Variants in CENPM observed in about 807,000 individuals in gnomAD.
CENPM encodes the protein centromere protein M, also known as interphase centromere complex protein 39.
CENPM carries 14 observed loss-of-function variants against 19.6 expected under a neutral mutation model. That is an observed-to-expected ratio of 0.71 (90% CI 0.47 to 1.11). The LOEUF (loss-of-function observed/expected upper bound fraction) is 1.11, where lower values mean the gene tolerates loss of function less well. Ranked by LOEUF, CENPM falls within the 50% of genes most tolerant of loss-of-function variation. The pLI is 0.00. For synonymous variants in CENPM, 114 were observed against 101.5 expected (o/e 1.12, Z -0.74); for missense variants, 239 against 228.4 (o/e 1.05, Z -0.30).
chr22:41,935,189 G>A (rs1038746564), downstream of CENPM, among the ~76,000 whole-genome samples: 1 of 152,226 alleles, frequency 6.6e-6, no homozygotes, highest in African/African-American at 2.4e-5. Flanking sequence ...CTCTTGGCTG[G>A]AGAATGCGAT....
chr22:41,946,041 G>C, intron 2 of CENPM, 36 bp from the exon 3 acceptor site: 1 of 1,548,340 alleles, frequency 6.5e-7, no homozygotes, highest in African/African-American at 1.4e-5. Context: ...CAAGATATCC[G>C]TACCCCCCTC....
intron 5 of CENPM, chr22:41,940,356 T>C: frequency 5.3e-6 from 3 of 563,030 alleles, no homozygotes; most frequent in South Asian, 2.2e-5. Context: ...ATTTACCCCA[T>C]TTGTTTCCTT....
chr22:41,932,212 T>C, the CENPM span, among the ~76,000 whole-genome samples: 1 of 152,212 alleles, frequency 6.6e-6, no homozygotes, highest in African/African-American at 2.4e-5. This position sits in a 1 kb window ranked among gnomAD's most constrained non-coding sequence, Gnocchi z 4.3. Context: ...GGACCACCCC[T>C]TGTGGTTATT....
the CENPM span, among the ~76,000 whole-genome samples, chr22:41,931,047 G>T: frequency 6.6e-6 from 1 of 151,426 alleles, no homozygotes; most frequent in Admixed American, 6.6e-5. Context: ...TGTTGGCCAG[G>T]CTGGTCTCGA....
chr22:41,945,126 G>A (rs772554903), intron 4 of CENPM, 99 bp downstream of exon 4: 1 of 1,583,158 alleles, frequency 6.3e-7, no homozygotes, highest in Non-Finnish European at 8.6e-7. Context: ...TAAAATACAT[G>A]CTCTTTCCAT....
intron 2 of CENPM, 85 bp downstream of exon 2, chr22:41,946,332 G>T (rs1488953918): frequency 1.4e-5 from 16 of 1,161,124 alleles, no homozygotes; most frequent in Non-Finnish European, 1.9e-5. Flanking sequence ...AGGAGGGGGC[G>T]CTGGGCTTCG....
downstream of CENPM, among the ~76,000 whole-genome samples, chr22:41,937,848 CT>C (rs1042752494): frequency 2.0e-5 from 3 of 151,394 alleles, no homozygotes; most frequent in African/African-American, 7.3e-5. Flanking sequence ...CGCCCCACTC[CT>C]TTTTTTTTCT....
At chr22:41,931,000 C>T in the CENPM span, among the ~76,000 whole-genome samples, 2 of 151,640 alleles carry the variant, frequency 1.3e-5, no homozygotes, top group Non-Finnish European at 2.9e-5. Flanking sequence ...CCATGCCCAG[C>T]TAACTTTTGC....
chr22:41,946,506 G>A lies in CENPM; in HGVS notation c.58-10C>T, dbSNP rs1327180379. On this transcript the variant is annotated splice_polypyrimidine_tract_variant and intron_variant, in intron 1 of 5. Transcript: ENST00000215980. ...CCTCCGTGCCCACCAGCTGCGCAGG[G>A]AGAGAGAGCGGACAGTCGAGCCCTA... 6.2e-7 allele frequency: 1 copy of A among 1,612,050 alleles called. No homozygotes were observed. The highest frequency in any genetic ancestry group is 1.7e-5 in the Admixed American group (1 of 59,976).
chr22:41,930,862 A>G, the CENPM span, among the ~76,000 whole-genome samples: 1 of 125,744 alleles, frequency 8.0e-6, no homozygotes, highest in African/African-American at 3.3e-5. Context: ...TTTGAGATGG[A>G]GTCTCGCTCT....
downstream of CENPM, among the ~76,000 whole-genome samples, chr22:41,937,468 T>C (rs891769440): frequency 1.3e-5 from 2 of 152,124 alleles, no homozygotes; most frequent in African/African-American, 2.4e-5. Flanking sequence ...GCTAATTTTC[T>C]GTATTTTAGT....
intron 1 of CENPM, 143 bp from the exon 2 acceptor site, chr22:41,946,639 G>A: frequency 1.5e-6 from 1 of 683,456 alleles, no homozygotes; most frequent in African/African-American, 1.8e-5. Flanking sequence ...TGGACCCCGC[G>A]AAGCGGCACG....
chr22:41,937,930 G>A (rs183454112), downstream of CENPM, among the ~76,000 whole-genome samples: 1,783 of 151,806 alleles, frequency 0.012, 19 homozygotes, highest in Non-Finnish European at 0.015. Flanking sequence ...TGCAAGCTCC[G>A]CCTCCCAGGT....
chr22:41,946,712 A>C, intron 1 of CENPM: 1 of 589,738 alleles, frequency 1.7e-6, no homozygotes, highest in Non-Finnish European at 3.0e-6. Flanking sequence ...CTACTACCCG[A>C]CCCTCGCTCC....
the CENPM span, among the ~76,000 whole-genome samples, chr22:41,930,005 G>C: frequency 7.3e-4 from 100 of 137,890 alleles, no homozygotes; most frequent in Non-Finnish European, 1.3e-3. Flanking sequence ...GTGCAGTGGC[G>C]CAATCTCCGC....
the CENPM span, among the ~76,000 whole-genome samples, chr22:41,927,830 A>G: frequency 1.3e-5 from 2 of 152,202 alleles, no homozygotes; most frequent in Non-Finnish European, 2.9e-5. Context: ...AGGCCCAAGT[A>G]GCATGTGGGT....
chr22:41,942,227 T>G (rs1424900688), intron 5 of CENPM, among the ~76,000 whole-genome samples: 1 of 152,236 alleles, frequency 6.6e-6, no homozygotes, highest in African/African-American at 2.4e-5. Flanking sequence ...GTGCGGGCCC[T>G]GGGACCCCTC....
At chr22:41,942,846 GT>G (rs201477421) in intron 5 of CENPM, among the ~76,000 whole-genome samples, 2,154 of 152,052 alleles carry the variant, frequency 0.014, 56 homozygotes, top group African/African-American at 0.048. Flanking sequence ...GAGGTGGGAG[GT>G]TCACTTGAGC....
chr22:41,946,523 C>G, intron 1 of CENPM, 27 bp from the exon 2 acceptor site: 1 of 1,604,602 alleles, frequency 6.2e-7, no homozygotes. Flanking sequence ...AGCGGACAGT[C>G]GAGCCCTAGG....
Sources: allele counts gnomAD v4.1 joint callset (sites outside exome capture counted in the v4.1 genomes callset), GRCh38; gene constraint gnomAD v4.1.1; non-coding constraint Gnocchi (gnomAD v3.1); transcripts MANE v1.5; gene names NCBI Gene and HGNC (gene_info 2026-07-23, HGNC 2026-07-21).